CFAP44: variants seen among roughly 807,000 people sequenced by gnomAD.
CFAP44 encodes cilia and flagella associated protein 44.
CFAP44 carries 134 observed loss-of-function variants against 216.2 expected under a neutral mutation model. The observed-to-expected ratio is 0.62, with a 90% CI of 0.54 to 0.72. CFAP44 has a LOEUF of 0.72. CFAP44 is among the 30% of genes least tolerant of loss of function. The pLI, the probability that CFAP44 is intolerant of heterozygous loss-of-function variation, is 0.00. For synonymous variants in CFAP44, 700 were observed against 727.6 expected (o/e 0.96, Z 0.61); for missense variants, 2,035 against 2,182.1 (o/e 0.93, Z 1.34).
At chr3:113,419,897 T>A in intron 5 of CFAP44, 120 bp downstream of exon 5, 1 of 996,812 alleles carries the variant, frequency 1.0e-6, no homozygotes, top group Non-Finnish European at 1.4e-6. Flanking sequence ...GCTGTGCATC[T>A]CATGTGAACC....
At chr3:113,395,676 A>AT in intron 15 of CFAP44, 74 bp downstream of exon 15, 1 of 1,342,754 alleles carries the variant, frequency 7.4e-7, no homozygotes, top group Non-Finnish European at 1.0e-6. Flanking sequence ...TCCACCTGCT[A>AT]TTTTCTATCT....
At chr3:113,366,338 T>C in intron 18 of CFAP44, 29 bp from the exon 19 acceptor site, 1 of 1,575,534 alleles carries the variant, frequency 6.3e-7, no homozygotes, top group Non-Finnish European at 8.6e-7. Flanking sequence ...AAATTGTTCT[T>C]CCCATTAATC....
intron 4 of CFAP44, among the ~76,000 whole-genome samples, chr3:113,423,584 A>G (rs1934879843): frequency 1.3e-5 from 2 of 152,166 alleles, no homozygotes; most frequent in Admixed American, 1.3e-4. Context: ...ATTCCTGTCA[A>G]AGACCTAAAG....
chr3:113,421,732 G>C (rs1277221177), intron 4 of CFAP44, among the ~76,000 whole-genome samples: 1 of 150,442 alleles, frequency 6.6e-6, no homozygotes, highest in Non-Finnish European at 1.5e-5. Context: ...AATTAATGCA[G>C]AAACAGAAAA....
At chr3:113,360,209 G>C (rs1950524982) in intron 21 of CFAP44, 1 of 153,980 alleles carries the variant, frequency 6.5e-6, no homozygotes, top group African/African-American at 2.4e-5. Flanking sequence ...CATACTGACT[G>C]GCCAGATAAA....
At position 113,380,921 on chromosome 3, in the gene CFAP44, GA is replaced by G; in HGVS notation, c.2029del (p.Ser677GlnfsTer8). The G allele has an allele frequency of 1.9e-6, 3 of 1,582,016 alleles. No individual in the cohort carries two copies. The highest frequency in any genetic ancestry group is 1.2e-5 in the South Asian group (1 of 83,258). ...TACCAGAATCTTAGATTTGACACTT[GA>G]AAAATGGAAACATTTTATGCACATG... Reference protein sequence around the residue: ...KDMCIKCFHFSSVKSKILRLI... With the variant: ...KDMCIKCFHFXSVKSKILRLI... On this transcript the variant is annotated frameshift_variant, in exon 16 of 35. Coordinates refer to ENST00000393845, the MANE Select transcript of CFAP44 (RefSeq NM_001164496.2). LOFTEE classifies it high-confidence loss of function.
intron 28 of CFAP44, among the ~76,000 whole-genome samples, chr3:113,317,276 GC>G (rs1950097190): frequency 6.6e-6 from 1 of 152,208 alleles, no homozygotes; most frequent in South Asian, 2.1e-4. Flanking sequence ...GATCCCGAGT[GC>G]CTTTGTGCAT....
At chr3:113,401,371 T>C in intron 10 of CFAP44, 84 bp from the exon 11 acceptor site, 1 of 1,335,882 alleles carries the variant, frequency 7.5e-7, no homozygotes, top group Non-Finnish European at 1.0e-6. Context: ...TTTATTAAAG[T>C]AAGGACAAGC....
At position 113,361,347 on chromosome 3, in the gene CFAP44, T is replaced by C. The variant is rs572239146; in HGVS notation, c.2934+1798A>G. ...TCACTGAGGCAAAAGTTGCGTACTA[T>C]AGTATAATTTTGCCAACTCAACATG... On this transcript the variant is annotated intron_variant, in intron 21 of 34. Transcript: ENST00000393845. The C allele has an allele frequency of 5.6e-5, 12 of 213,610 alleles. No homozygotes were observed. The South Asian group carries it at 8.7e-4, about 16-fold the overall frequency. 13.2% of individuals were successfully genotyped at this position (213,610 alleles called of 1,614,324 possible).
At chr3:113,391,076 T>C (rs1317754551) in intron 15 of CFAP44, among the ~76,000 whole-genome samples, 5 of 152,106 alleles carry the variant, frequency 3.3e-5, no homozygotes, top group Admixed American at 2.0e-4. Flanking sequence ...GAAATCACAT[T>C]AGCTGACTTC....
At chr3:113,367,338 C>A (rs963238718) in intron 18 of CFAP44, among the ~76,000 whole-genome samples, 1 of 152,176 alleles carries the variant, frequency 6.6e-6, no homozygotes, top group Non-Finnish European at 1.5e-5. Flanking sequence ...AGGCGGGTGC[C>A]CTTCTGGGAT....
chr3:113,368,002 C>A (rs1933017846), intron 18 of CFAP44, among the ~76,000 whole-genome samples: 1 of 151,894 alleles, frequency 6.6e-6, no homozygotes, highest in African/African-American at 2.4e-5. Flanking sequence ...GATTGAAGAT[C>A]AAATTAATGA....
At chr3:113,340,814 T>C (rs1006286554) in intron 24 of CFAP44, among the ~76,000 whole-genome samples, 6 of 152,240 alleles carry the variant, frequency 3.9e-5, no homozygotes, top group Non-Finnish European at 8.8e-5. Context: ...CCGGGGTTTC[T>C]TGCCTTGGTG....
In CFAP44 at chr3:113,291,758, GA is replaced by G; in HGVS notation, c.5374-11del. The G allele has an allele frequency of 4.6e-6, 7 of 1,535,062 alleles. No individual in the cohort carries two copies. The highest frequency in any genetic ancestry group is 6.1e-6 in the Non-Finnish European group (7 of 1,146,604). ...CCTGGAAGGCATTGCCCTGTTGAAA[GA>G]AAACAGCTCCCTGTTGAAGCATCAT... On this transcript the variant is annotated splice_polypyrimidine_tract_variant and intron_variant, in intron 34 of 34. Transcript: ENST00000393845.
At chr3:113,324,758 GAAAT>G (rs979074797) in intron 28 of CFAP44, among the ~76,000 whole-genome samples, 12 of 152,136 alleles carry the variant, frequency 7.9e-5, no homozygotes, top group African/African-American at 1.2e-4. Flanking sequence ...ATCCTGATCA[GAAAT>G]AAATAAATAA....
rs757908791 is a variant in CFAP44, at chr3:113,420,115, T to C, written c.472A>G (p.Ile158Val). 1.9e-5 allele frequency: 30 copies of C among 1,613,870 alleles called. No homozygotes were observed. Among genetic ancestry groups the C allele is most frequent in the Admixed American group, 1.7e-5 (1 of 59,988 alleles). ...NLQLLDDSIA[I>V]YIAGNQLIFL... The stretch of plus-strand genomic sequence containing the variant: ...ATCAGTTGGTTCCCAGCTATGTATA[T>C]GGCGATACTGTCGTCCAGAAGTTGT... The change falls in exon 5 of 35, where the codon ATA becomes GTA. Residue 158 changes from isoleucine (I) to valine (V), a missense_variant. By Grantham distance (29) the Ile-to-Val change is conservative (BLOSUM62 3). This residue lies in a region of CFAP44 where 1,883 missense variants were observed against 2,023.7 expected (regional missense o/e 0.93). Coordinates refer to ENST00000393845, the MANE Select transcript of CFAP44 (RefSeq NM_001164496.2).
chr3:113,368,062 C>G lies in CFAP44; in HGVS notation c.2445-1753G>C, dbSNP rs144257757. 8.6e-3 allele frequency among the ~76,000 whole-genome samples: 1,305 copies of G among 152,276 alleles called. 22 individuals are homozygous for G. The highest frequency in any genetic ancestry group is 0.03 in the African/African-American group (1,249 of 41,560). Reference sequence around the variant, plus strand: ...AGAAAAAAGAGTAAAAAGAAATGAACAAAGTCTCCAAGAAATATGGGACTA... The same window carrying G: ...AGAAAAAAGAGTAAAAAGAAATGAAGAAAGTCTCCAAGAAATATGGGACTA... On this transcript the variant is annotated intron_variant, in intron 18 of 34. Coordinates refer to ENST00000393845, the MANE Select transcript of CFAP44 (RefSeq NM_001164496.2).
At chr3:113,312,705 C>T (rs1260175062) in intron 28 of CFAP44, among the ~76,000 whole-genome samples, 1 of 152,068 alleles carries the variant, frequency 6.6e-6, no homozygotes, top group Non-Finnish European at 1.5e-5. Context: ...GACTTGGTGC[C>T]CTGAATCCCA....
Position 113,420,052 on chromosome 3 carries a change from G to T in CFAP44, c.535C>A (p.Arg179=). ...NLKTKEQIYL[R]SSSGEGIGVI... ...CCAATTCCTTCACCACTGCTACTTC[G>T]CAGGTAGATCTGTTCCTTGGTTTTC... is the stretch of plus-strand genomic sequence containing the variant. Residue 179 remains arginine, a synonymous_variant, in exon 5 of 35, where the codon CGA becomes AGA. Coordinates refer to ENST00000393845, the MANE Select transcript of CFAP44 (RefSeq NM_001164496.2). The T allele has an allele frequency of 6.2e-7, 1 of 1,613,572 alleles. No individual in the cohort carries two copies. The highest frequency in any genetic ancestry group is 8.5e-7 in the Non-Finnish European group (1 of 1,179,710).
Sources: allele counts gnomAD v4.1 joint callset (sites outside exome capture counted in the v4.1 genomes callset), GRCh38; gene constraint gnomAD v4.1.1; regional missense constraint gnomAD v4.1.1; transcripts MANE v1.5; gene names NCBI Gene and HGNC (gene_info 2026-07-23, HGNC 2026-07-21).